THRB: variants seen among roughly 807,000 people sequenced by gnomAD.
THRB encodes nuclear receptor subfamily 1 group A member 2.
In THRB, 12 loss-of-function variants were observed where a neutral mutation model predicts 47.8. The observed-to-expected ratio is 0.25, with a 90% CI of 0.16 to 0.41. THRB has a LOEUF of 0.41. THRB is among the 10% of genes least tolerant of loss of function. The probability of loss-of-function intolerance (pLI) is 1.00; values close to 1 mark genes in which losing one functional copy is unlikely to be tolerated. For synonymous variants in THRB, 218 were observed against 212.2 expected (o/e 1.03, Z -0.24); for missense variants, 348 against 589.2 (o/e 0.59, Z 4.24).
chr3:24,295,326 T>G (rs1490875856), intron 3 of THRB, among the ~76,000 whole-genome samples: 1 of 152,222 alleles, frequency 6.6e-6, no homozygotes, highest in Admixed American at 6.5e-5. Flanking sequence ...ACATTTTTCT[T>G]TGGGGACTAT....
chr3:24,193,338 A>C (rs989721022), intron 4 of THRB, among the ~76,000 whole-genome samples: 3 of 152,134 alleles, frequency 2.0e-5, no homozygotes, highest in African/African-American at 7.2e-5. Flanking sequence ...GGCTTTTTGA[A>C]ATTTGGATAG....
chr3:24,426,320 C>T (rs3943744), intron 1 of THRB, among the ~76,000 whole-genome samples: 20,450 of 151,866 alleles, frequency 0.13, 1,820 homozygotes, highest in Middle Eastern at 0.24. Context: ...TAGGGGCCAC[C>T]ACAATATTGG....
intron 1 of THRB, among the ~76,000 whole-genome samples, chr3:24,460,098 T>A (rs2073560033): frequency 6.6e-6 from 1 of 152,200 alleles, no homozygotes; most frequent in African/African-American, 2.4e-5. Flanking sequence ...TATTATTCTA[T>A]GCTCATTAAG....
chr3:24,384,725 T>G (rs2065961297), intron 1 of THRB, among the ~76,000 whole-genome samples: 1 of 152,160 alleles, frequency 6.6e-6, no homozygotes. Flanking sequence ...GATTACTTCT[T>G]AGTACTGTAG....
intron 4 of THRB, among the ~76,000 whole-genome samples, chr3:24,194,480 CAATT>C (rs2043731472): frequency 2.0e-5 from 3 of 152,156 alleles, no homozygotes; most frequent in Admixed American, 6.5e-5. Flanking sequence ...GACATCAACA[CAATT>C]AATCAATTTA....
At chr3:24,455,106 CTTTTTTTTTTTTTTT>C (rs71057676) in intron 1 of THRB, 2 of 40,694 alleles carry the variant, frequency 4.9e-5, no homozygotes, top group Admixed American at 3.8e-4. Flanking sequence ...TAAGGACTTA[CTTTTTTTTTTTTTTT>C]TTTTTTTTTT....
At chr3:24,204,933 C>A (rs200431391) in intron 4 of THRB, among the ~76,000 whole-genome samples, 12,956 of 151,966 alleles carry the variant, frequency 0.085, 1,731 homozygotes, top group African/African-American at 0.28. Context: ...TGAAATGAAG[C>A]AAGAAGAGAA....
chr3:24,139,389 C>CTTTTT (rs5847276), intron 8 of THRB, among the ~76,000 whole-genome samples: 1 of 144,066 alleles, frequency 6.9e-6, no homozygotes, highest in Admixed American at 6.9e-5. Flanking sequence ...TCTTTTCTTT[C>CTTTTT]TTTTTTTTTT....
In THRB at chr3:24,304,396, C is replaced by T. The variant is rs1469458523; in HGVS notation, c.-188-7025G>A. ...TAAAGCAATAGCTAGTAAATCTTAT[C>T]TACTTGAAAAATAAGAAACATCCTT... On this transcript the variant is annotated intron_variant, in intron 2 of 10. Coordinates refer to ENST00000646209, the MANE Select transcript of THRB (RefSeq NM_001354712.2). 1.3e-5 allele frequency among the ~76,000 whole-genome samples: 2 copies of T among 151,570 alleles called. 1 individual carries two copies. Among genetic ancestry groups the T allele is most frequent in the East Asian group, 3.9e-4 (2 of 5,178 alleles).
chr3:24,218,088 A>T (rs2046763367), intron 4 of THRB, among the ~76,000 whole-genome samples: 1 of 151,990 alleles, frequency 6.6e-6, no homozygotes, highest in African/African-American at 2.4e-5. Context: ...AATACCGTGA[A>T]ACCTCGTCTC....
At chr3:24,350,209 C>T (rs1432490642) in intron 1 of THRB, among the ~76,000 whole-genome samples, 1 of 152,038 alleles carries the variant, frequency 6.6e-6, no homozygotes. Context: ...ATTAAAAATA[C>T]TGCCAATACC....
chr3:24,124,353 C>T (rs2148798083), intron 10 of THRB, among the ~76,000 whole-genome samples: 1 of 152,278 alleles, frequency 6.6e-6, no homozygotes, highest in Non-Finnish European at 1.5e-5. Flanking sequence ...TCCCTCTCTC[C>T]CTTTCCCCTA....
At chr3:24,300,674 A>G (rs2149093423) in intron 2 of THRB, among the ~76,000 whole-genome samples, 1 of 152,300 alleles carries the variant, frequency 6.6e-6, no homozygotes, top group East Asian at 1.9e-4. Context: ...CCATCTCTTC[A>G]TCTAACTGCA....
At position 24,431,261 on chromosome 3, in the gene THRB, TAC is replaced by T. The variant is rs199810848; in HGVS notation, c.-261+63389_-261+63390del. On this transcript the variant is annotated intron_variant, in intron 1 of 10. Coordinates refer to ENST00000646209, the MANE Select transcript of THRB (RefSeq NM_001354712.2). ...GGATCAGTCTCTCTCTCTCTCTCTC[TAC>T]ACACACACACACACACACACACACA... Among the ~76,000 whole-genome samples the T allele has an allele frequency of 9.7e-3, 1,315 of 135,734 alleles. 15 individuals are homozygous for T. Among genetic ancestry groups the T allele is most frequent in the African/African-American group, 0.03 (1,098 of 36,930 alleles). The allele number at this position is 135,734 out of a possible 152,430, so 89.0% of individuals were successfully genotyped here.
chr3:24,374,253 G>A (rs1318528361), intron 1 of THRB, among the ~76,000 whole-genome samples: 1 of 151,976 alleles, frequency 6.6e-6, no homozygotes, highest in East Asian at 1.9e-4. Context: ...CCAATATTAA[G>A]TACTAAATAT....
intron 2 of THRB, among the ~76,000 whole-genome samples, chr3:24,305,406 A>G (rs76835602): frequency 0.031 from 4,705 of 152,232 alleles, 106 homozygotes; most frequent in Non-Finnish European, 0.048. Context: ...TGTAGCACCA[A>G]CACCCTAGGG....
chr3:24,127,337 C>G (rs1373694163), intron 10 of THRB, among the ~76,000 whole-genome samples, 162 bp downstream of exon 10: 1 of 152,166 alleles, frequency 6.6e-6, no homozygotes, highest in African/African-American at 2.4e-5. Flanking sequence ...TGACGCCCCC[C>G]CTTTAAGTTC....
chr3:24,210,512 A>G (rs1173138872), intron 4 of THRB, among the ~76,000 whole-genome samples: 1 of 151,894 alleles, frequency 6.6e-6, no homozygotes, highest in Non-Finnish European at 1.5e-5. Flanking sequence ...TAGTGGGTAC[A>G]CGCCAGGGAT....
chr3:24,389,750 CA>C (rs2149954812), intron 1 of THRB, among the ~76,000 whole-genome samples: 1 of 152,048 alleles, frequency 6.6e-6, no homozygotes, highest in South Asian at 2.1e-4. Flanking sequence ...AAAAACAACC[CA>C]AAAGATACAC....
Sources: gnomAD v4.1 joint callset for allele counts (sites outside exome capture counted in the v4.1 genomes callset) on GRCh38, gnomAD v4.1.1 for gene constraint, MANE v1.5 for transcripts, NCBI Gene and HGNC (gene_info 2026-07-23, HGNC 2026-07-21) for gene names.